Variants in PTPRJ observed in about 807,000 individuals in gnomAD.
The protein encoded by PTPRJ is receptor-type tyrosine-protein phosphatase eta.
Under a neutral mutation model 141.3 loss-of-function variants are expected in PTPRJ, and 129 were observed. That is an observed-to-expected ratio of 0.91 (90% confidence interval 0.79 to 1.06). The LOEUF is 1.06. PTPRJ is among the 50% of genes least tolerant of loss of function. The probability of loss-of-function intolerance (pLI) is 0.00; values close to 1 mark genes in which losing one functional copy is unlikely to be tolerated. For missense variants in PTPRJ, 1,601 were observed against 1,679.7 expected (o/e 0.95, Z 0.82); for synonymous variants, 610 against 640.5 (o/e 0.95, Z 0.72).
Position 48,149,524 on chromosome 11 carries a change from C to T in PTPRJ, c.3041+36C>T, listed in dbSNP as rs746912990. On this transcript the variant is annotated intron_variant, in intron 16 of 24. Coordinates refer to ENST00000418331, the MANE Select transcript of PTPRJ (RefSeq NM_002843.4). ...CAAATTATGAGCTTTATTTTAAATCCTCCAATCTGTTCGGTGACTATCTAT... is the reference window on the plus strand; with the variant it reads ...CAAATTATGAGCTTTATTTTAAATCTTCCAATCTGTTCGGTGACTATCTAT... The T allele has an allele frequency of 7.5e-6, 10 of 1,329,744 alleles. No homozygotes were observed. The South Asian group carries it at 1.1e-4, about 14-fold the overall frequency. The allele number at this position is 1,329,744 out of a possible 1,614,324, so 82.4% of individuals were successfully genotyped here. A position where few individuals can be genotyped will look rare whatever the true frequency, so the allele number is the denominator to read the frequency against.
At chr11:48,030,940 A>G (rs1254223265) in intron 1 of PTPRJ, among the ~76,000 whole-genome samples, 1 of 152,188 alleles carries the variant, frequency 6.6e-6, no homozygotes, top group African/African-American at 2.4e-5. Flanking sequence ...CAATATGTAT[A>G]AAATTCAGAA....
At chr11:48,099,542 A>G (rs906935510) in intron 1 of PTPRJ, among the ~76,000 whole-genome samples, 2 of 152,042 alleles carry the variant, frequency 1.3e-5, no homozygotes, top group African/African-American at 4.8e-5. Flanking sequence ...TAGGGCATTC[A>G]TGAGGCTTGA....
chr11:48,024,885 G>A (rs1463337279), intron 1 of PTPRJ, among the ~76,000 whole-genome samples: 1 of 152,224 alleles, frequency 6.6e-6, no homozygotes, highest in Non-Finnish European at 1.5e-5. Flanking sequence ...TAGAAGGCCT[G>A]CCACACAGTA....
At chr11:48,159,120 G>GT (rs751327898) in intron 21 of PTPRJ, among the ~76,000 whole-genome samples, 5 of 1,426 alleles carry the variant, frequency 3.5e-3, no homozygotes, top group East Asian at 0.059. Context: ...GTGTGTATGT[G>GT]GGGTGTGTGT....
intron 14 of PTPRJ, among the ~76,000 whole-genome samples, chr11:48,145,761 G>T (rs904823520): frequency 3.3e-5 from 5 of 152,036 alleles, no homozygotes; most frequent in African/African-American, 1.2e-4. Context: ...GTTTTGCTCT[G>T]TTGGCCAGGC....
chr11:48,035,462 G>GATGAT (rs1362123827), intron 1 of PTPRJ, among the ~76,000 whole-genome samples: 1 of 151,966 alleles, frequency 6.6e-6, no homozygotes, highest in Non-Finnish European at 1.5e-5. Context: ...GAGCCCCCGG[G>GATGAT]ATGATGGGTG....
intron 1 of PTPRJ, among the ~76,000 whole-genome samples, chr11:47,982,343 T>C (rs1200856704): frequency 6.6e-6 from 1 of 152,234 alleles, no homozygotes; most frequent in South Asian, 2.1e-4. Context: ...TAACCGCATC[T>C]GTAGAATGAG....
intron 8 of PTPRJ, among the ~76,000 whole-genome samples, chr11:48,131,322 A>T (rs1055854729): frequency 6.6e-6 from 1 of 151,996 alleles, no homozygotes; most frequent in Non-Finnish European, 1.5e-5. Flanking sequence ...ATCTCAAATG[A>T]TCTGCCCACC....
Position 48,146,757 on chromosome 11 carries a change from G to A in PTPRJ, c.2912-119G>A, listed in dbSNP as rs567984496. ...CGCCTGTGTGTGTGTGTGCATGCAT[G>A]TGTGTGTATGGTATACACACTTTAA... On this transcript the variant is annotated intron_variant, in intron 14 of 24. Transcript: ENST00000418331. 112 of 750,282 alleles carry A rather than the reference G, an allele frequency of 1.5e-4. No homozygotes were observed. The South Asian group carries it at 1.6e-3, about 11-fold the overall frequency. 46.5% of individuals were successfully genotyped at this position (750,282 alleles called of 1,614,324 possible). A position where few individuals can be genotyped will look rare whatever the true frequency, so the allele number is the denominator to read the frequency against.
chr11:48,022,909 C>T (rs1156486547), intron 1 of PTPRJ, among the ~76,000 whole-genome samples: 3 of 152,006 alleles, frequency 2.0e-5, no homozygotes, highest in Non-Finnish European at 4.4e-5. Context: ...TGAGGGGAAG[C>T]TGGTGGGGAT....
Position 48,112,903 on chromosome 11 carries a change from GA to G in PTPRJ, c.273del (p.Ala92ProfsTer5). 6.2e-7 allele frequency: 1 copy of G among 1,614,164 alleles called. No individual in the cohort carries two copies. The highest frequency in any genetic ancestry group is 8.5e-7 in the Non-Finnish European group (1 of 1,180,024). ...TNTSEDGESSGANDSLRTPEQ... is the reference protein window; with the variant it reads ...TNTSEDGESSXANDSLRTPEQ... Reference sequence around the variant, plus strand: ...ACCAGTGAGGATGGTGAAAGCTCTGGAGCCAACGATAGTTTAAGAACACCTG... The same window carrying G: ...ACCAGTGAGGATGGTGAAAGCTCTGGGCCAACGATAGTTTAAGAACACCTG... On this transcript the variant is annotated frameshift_variant, in exon 3 of 25. Coordinates refer to ENST00000418331, the MANE Select transcript of PTPRJ (RefSeq NM_002843.4). LOFTEE classifies it high-confidence loss of function.
At chr11:48,112,510 CTG>C (rs910182651) in intron 2 of PTPRJ, among the ~76,000 whole-genome samples, 1 of 152,224 alleles carries the variant, frequency 6.6e-6, no homozygotes, top group Non-Finnish European at 1.5e-5. Flanking sequence ...CTGTGAATGA[CTG>C]TGTGCAGTGT....
chr11:48,086,463 T>C (rs1241759209), intron 1 of PTPRJ, among the ~76,000 whole-genome samples: 1 of 152,206 alleles, frequency 6.6e-6, no homozygotes, highest in Non-Finnish European at 1.5e-5. Flanking sequence ...TGAGCCACCG[T>C]GCCCAGCCCA....
intron 1 of PTPRJ, among the ~76,000 whole-genome samples, chr11:48,025,953 A>C (rs75001072): frequency 6.6e-6 from 1 of 152,178 alleles, no homozygotes; most frequent in South Asian, 2.1e-4. Context: ...CATCCCCCCA[A>C]TTATGGAAAT....
intron 1 of PTPRJ, among the ~76,000 whole-genome samples, chr11:48,101,169 C>T (rs868517498): frequency 1.3e-5 from 2 of 152,300 alleles, no homozygotes; most frequent in Middle Eastern, 6.8e-3. Context: ...ATCCCCTCAC[C>T]AAGCTTGCAG....
rs35920791 is a variant in PTPRJ at position 48,167,356 on chromosome 11, C to T, written c.4008C>T (p.Ile1336=). 3.7e-5 allele frequency: 59 copies of T among 1,613,820 alleles called. No individual in the cohort carries two copies. The highest frequency in any genetic ancestry group is 1.5e-4 in the South Asian group (14 of 91,032). The change falls in exon 25 of 25, where the codon ATC becomes ATT. Residue 1336 remains isoleucine, a synonymous_variant. Transcript: ENST00000418331. ...VTTFGKTNGY[I]A The stretch of plus-strand genomic sequence containing the variant: ...CATTTGGAAAGACCAATGGTTACAT[C>T]GCCTAATTCCAAAGGAATAACCTTT...
intron 1 of PTPRJ, among the ~76,000 whole-genome samples, chr11:48,053,241 T>G (rs1354789318): frequency 4.6e-5 from 4 of 87,116 alleles, no homozygotes; most frequent in Non-Finnish European, 8.0e-5. Flanking sequence ...ATATATAATA[T>G]ATTTATATAA....
At chr11:48,110,362 A>G (rs1438110102) in intron 2 of PTPRJ, among the ~76,000 whole-genome samples, 4 of 151,964 alleles carry the variant, frequency 2.6e-5, no homozygotes, top group African/African-American at 9.7e-5. Flanking sequence ...ACGTGCCACC[A>G]TGTCCGGCTA....
In PTPRJ at chr11:48,110,081, G is replaced by A; in HGVS notation, c.115+5G>A. ...AGATCCTGTGCGCAGGTGGCAGTGA[G>A]TACCCTTTTCCTCTCTATTCTTGTG... On this transcript the variant is annotated splice_donor_5th_base_variant and intron_variant, in intron 2 of 24. Coordinates refer to ENST00000418331, the MANE Select transcript of PTPRJ (RefSeq NM_002843.4). 6.2e-7 allele frequency: 1 copy of A among 1,613,458 alleles called. No individual in the cohort carries two copies. Among genetic ancestry groups the A allele is most frequent in the Non-Finnish European group, 8.5e-7 (1 of 1,179,408 alleles).
Sources: gnomAD v4.1 joint callset for allele counts (sites outside exome capture counted in the v4.1 genomes callset) on GRCh38, gnomAD v4.1.1 for gene constraint, MANE v1.5 for transcripts, NCBI Gene and HGNC (gene_info 2026-07-23, HGNC 2026-07-21) for gene names.